STPG2: variants seen among roughly 807,000 people sequenced by gnomAD.
STPG2 encodes sperm-tail PG-rich repeat-containing protein 2.
Under a neutral mutation model 54.2 loss-of-function variants are expected in STPG2, and 56 were observed. The observed-to-expected ratio is 1.03, with a 90% confidence interval of 0.83 to 1.29. STPG2 has a LOEUF of 1.29. STPG2 is among the 50% of genes most tolerant of loss of function. STPG2 has a pLI of 0.00. For missense variants in STPG2, 596 were observed against 544.9 expected, an observed-to-expected ratio of 1.09 and a Z score of -0.93; for synonymous variants, 200 against 181.8, an observed-to-expected ratio of 1.10 and a Z score of -0.81.
chr4:98,072,886 G>C (rs959248554), intron 5 of STPG2, among the ~76,000 whole-genome samples: 17 of 152,150 alleles, frequency 1.1e-4, no homozygotes, highest in Admixed American at 6.5e-5. Flanking sequence ...CTTGACCTTA[G>C]TTCCACACGT....
intron 8 of STPG2, among the ~76,000 whole-genome samples, chr4:97,843,557 C>G (rs998379720): frequency 6.6e-6 from 1 of 151,880 alleles, no homozygotes; most frequent in Non-Finnish European, 1.5e-5. Context: ...ATAGGACTTA[C>G]GAACCCCTCA....
At chr4:97,527,119 A>G (rs533093306) in intron 4 of STPG2, among the ~76,000 whole-genome samples, 1 of 151,886 alleles carries the variant, frequency 6.6e-6, no homozygotes, top group East Asian at 1.9e-4. Flanking sequence ...CATCAACATT[A>G]GGTATTTCTC....
At chr4:97,699,074 A>G (rs1197086431) in intron 10 of STPG2, among the ~76,000 whole-genome samples, 2 of 152,176 alleles carry the variant, frequency 1.3e-5, no homozygotes, top group African/African-American at 4.8e-5. Context: ...GAAGAGGTCC[A>G]ATACAATCAA....
rs138507001 is a variant in STPG2, at chr4:97,996,945, A to G, written c.613-15627T>C. Among the ~76,000 whole-genome samples, 980 of 152,312 alleles carry G rather than the reference A, an allele frequency of 6.4e-3. 15 individuals are homozygous for G. Among genetic ancestry groups the G allele is most frequent in the African/African-American group, 0.022 (927 of 41,578 alleles). ...TAAAAAGTCAAAAAATAACAGATGC[A>G]GGCAAGGTGGCAGAGAAAAAGGAAT... is the stretch of plus-strand genomic sequence containing the variant. On this transcript the variant is annotated intron_variant, in intron 5 of 10. Coordinates refer to ENST00000295268, the MANE Select transcript of STPG2 (RefSeq NM_174952.3).
intron 9 of STPG2, among the ~76,000 whole-genome samples, chr4:97,727,501 A>G (rs1242732608): frequency 6.6e-6 from 1 of 152,070 alleles, no homozygotes; most frequent in African/African-American, 2.4e-5. Flanking sequence ...TAAGCACTGA[A>G]GCAATATACC....
At chr4:97,624,836 T>C (rs1289806593) in intron 10 of STPG2, among the ~76,000 whole-genome samples, 4 of 152,338 alleles carry the variant, frequency 2.6e-5, no homozygotes, top group African/African-American at 9.6e-5. Context: ...ATTTTCTGTA[T>C]ATGGCTAGCC....
At chr4:98,137,912 G>A (rs577074636) in intron 1 of STPG2, among the ~76,000 whole-genome samples, 9 of 151,832 alleles carry the variant, frequency 5.9e-5, no homozygotes, top group Non-Finnish European at 1.0e-4. Context: ...AAAAGTATAC[G>A]AGAAATATTG....
At chr4:98,074,226 C>A (rs1377223887) in intron 5 of STPG2, among the ~76,000 whole-genome samples, 3 of 152,158 alleles carry the variant, frequency 2.0e-5, no homozygotes, top group African/African-American at 7.2e-5. Context: ...AAATGATAAG[C>A]TGGTTTCATC....
intron 9 of STPG2, among the ~76,000 whole-genome samples, chr4:97,729,107 T>C (rs1313703187): frequency 1.3e-5 from 1 of 77,080 alleles, no homozygotes; most frequent in African/African-American, 3.8e-5. Flanking sequence ...CAGGGCTCAC[T>C]GAGGAAACAG....
chr4:97,485,687 C>T (rs898149177), intron 4 of STPG2, among the ~76,000 whole-genome samples: 1 of 151,724 alleles, frequency 6.6e-6, no homozygotes, highest in Non-Finnish European at 1.5e-5. Flanking sequence ...CATCATTCTT[C>T]ACAGAATTAT....
chr4:97,641,819 A>G (rs1721774455), intron 10 of STPG2, among the ~76,000 whole-genome samples: 1 of 151,474 alleles, frequency 6.6e-6, no homozygotes, highest in Non-Finnish European at 1.5e-5. Flanking sequence ...GTGTTTGCTA[A>G]AAGATGAAAT....
At chr4:97,724,990 T>C (rs1724570428) in intron 9 of STPG2, among the ~76,000 whole-genome samples, 1 of 152,102 alleles carries the variant, frequency 6.6e-6, no homozygotes, top group South Asian at 2.1e-4. Flanking sequence ...GAACTCTTCT[T>C]GACTCAAATC....
At chr4:97,828,307 T>A (rs576866141) in intron 9 of STPG2, among the ~76,000 whole-genome samples, 89 of 152,204 alleles carry the variant, frequency 5.8e-4, no homozygotes, top group African/African-American at 2.0e-3. Context: ...TCTCCTGAAC[T>A]CAAGGGAAGC....
intron 10 of STPG2, among the ~76,000 whole-genome samples, chr4:97,616,057 A>AATATATATATATATATAT (rs70953077): frequency 3.2e-4 from 12 of 37,390 alleles, no homozygotes; most frequent in South Asian, 1.4e-3. Context: ...AATACATATA[A>AATATATATATATATATAT]ATATATATAT....
At chr4:97,657,958 C>T (rs2148958874) in intron 10 of STPG2, among the ~76,000 whole-genome samples, 1 of 152,288 alleles carries the variant, frequency 6.6e-6, no homozygotes, top group East Asian at 1.9e-4. Flanking sequence ...ATGGTCAAAA[C>T]TGCTCCTTCT....
chr4:97,475,107 C>T (rs1578327254), intron 4 of STPG2, among the ~76,000 whole-genome samples: 2 of 151,960 alleles, frequency 1.3e-5, no homozygotes, highest in African/African-American at 4.8e-5. Flanking sequence ...ATTGAATAAA[C>T]ATCTTTGAAA....
intron 8 of STPG2, among the ~76,000 whole-genome samples, chr4:97,851,307 G>T (rs576476707): frequency 3.3e-5 from 5 of 152,280 alleles, no homozygotes; most frequent in African/African-American, 1.2e-4. Flanking sequence ...TTTAATCAAT[G>T]AATGAATATG....
chr4:97,988,767 G>C (rs535478035), intron 5 of STPG2, among the ~76,000 whole-genome samples: 2 of 152,060 alleles, frequency 1.3e-5, no homozygotes, highest in African/African-American at 2.4e-5. Flanking sequence ...CACCAGGCCC[G>C]GCTAACTTTT....
At chr4:98,045,525 C>G (rs897961818) in intron 5 of STPG2, among the ~76,000 whole-genome samples, 1 of 152,050 alleles carries the variant, frequency 6.6e-6, no homozygotes, top group African/African-American at 2.4e-5. Context: ...TCTTGTAAAA[C>G]AAGTCTAGTG....
Sources: gnomAD v4.1 joint callset for allele counts (sites outside exome capture counted in the v4.1 genomes callset) on GRCh38, gnomAD v4.1.1 for gene constraint, MANE v1.5 for transcripts, NCBI Gene and HGNC (gene_info 2026-07-23, HGNC 2026-07-21) for gene names.